Variants in KATNIP observed in about 807,000 individuals in gnomAD.
KATNIP encodes katanin-interacting protein.
KATNIP carries 126 observed loss-of-function variants against 174.0 expected under a neutral mutation model. The observed-to-expected ratio is 0.72, with a 90% confidence interval of 0.63 to 0.84. The LOEUF (loss-of-function observed/expected upper bound fraction) is 0.84, where lower values mean the gene tolerates loss of function less well. Among genes scored for constraint, KATNIP ranks in the 40% least tolerant of loss-of-function variants. The pLI, the probability that KATNIP is intolerant of heterozygous loss-of-function variation, is 0.00. For synonymous variants in KATNIP, 810 were observed against 835.7 expected (o/e 0.97, Z 0.53); for missense variants, 1,958 against 2,109.7 (o/e 0.93, Z 1.41).
At chr16:27,604,510 CACTT>C (rs768605747) in intron 2 of KATNIP, among the ~76,000 whole-genome samples, 2 of 152,204 alleles carry the variant, frequency 1.3e-5, no homozygotes, top group Admixed American at 1.3e-4. Flanking sequence ...GCTGGAATTA[CACTT>C]GTGAGTCACC....
intron 2 of KATNIP, among the ~76,000 whole-genome samples, chr16:27,591,536 C>A (rs1371128811): frequency 1.3e-5 from 2 of 152,128 alleles, no homozygotes; most frequent in African/African-American, 4.8e-5. Context: ...CTCTCTACTA[C>A]CTTGGTCAAG....
chr16:27,635,818 T>C (rs2142208547), intron 5 of KATNIP, among the ~76,000 whole-genome samples: 1 of 152,220 alleles, frequency 6.6e-6, no homozygotes, highest in East Asian at 1.9e-4. Context: ...TTAAAAGACT[T>C]TTCGAAGCTT....
At chr16:27,615,036 C>G (rs531126593) in intron 2 of KATNIP, among the ~76,000 whole-genome samples, 1 of 152,152 alleles carries the variant, frequency 6.6e-6, no homozygotes, top group East Asian at 1.9e-4. Context: ...ATTGAGGGCA[C>G]AGGGTGAAGG....
intron 8 of KATNIP, among the ~76,000 whole-genome samples, chr16:27,694,007 C>T (rs753428053): frequency 6.6e-6 from 1 of 152,188 alleles, no homozygotes. Flanking sequence ...CAGTGGCACT[C>T]GGCCCCTGGC....
chr16:27,759,524 C>T (rs1385687909), intron 18 of KATNIP, among the ~76,000 whole-genome samples: 1 of 152,214 alleles, frequency 6.6e-6, no homozygotes, highest in Admixed American at 6.5e-5. Flanking sequence ...GGCTGGGCAG[C>T]TCTGGGTGAG....
At chr16:27,608,399 C>CTTTTTTTTTTT (rs11374534) in intron 2 of KATNIP, among the ~76,000 whole-genome samples, 21 of 97,542 alleles carry the variant, frequency 2.2e-4, no homozygotes, top group South Asian at 4.1e-4. Flanking sequence ...ACTGGTGAAT[C>CTTTTTTTTTTT]TTTTTTTTTT....
At chr16:27,658,512 A>C (rs1051534717) in intron 6 of KATNIP, among the ~76,000 whole-genome samples, 8 of 152,144 alleles carry the variant, frequency 5.3e-5, no homozygotes, top group Admixed American at 4.6e-4. Context: ...ATCAAAATTA[A>C]AAGCTTTTCT....
chr16:27,699,898 A>T (rs1280566469), intron 10 of KATNIP, among the ~76,000 whole-genome samples: 1 of 151,786 alleles, frequency 6.6e-6, no homozygotes, highest in Non-Finnish European at 1.5e-5. Context: ...CTATTTATTT[A>T]TTTTTTTATT....
chr16:27,625,113 T>C (rs952815902), intron 3 of KATNIP, among the ~76,000 whole-genome samples: 5 of 152,234 alleles, frequency 3.3e-5, no homozygotes, highest in African/African-American at 1.2e-4. Context: ...CAAAGTAGGC[T>C]ATCAATTTTT....
intron 5 of KATNIP, among the ~76,000 whole-genome samples, chr16:27,647,392 A>G (rs116324095): frequency 0.012 from 1,838 of 152,174 alleles, 51 homozygotes; most frequent in African/African-American, 0.042. Flanking sequence ...CCCAGGCTGC[A>G]GTGCAGTAGT....
chr16:27,649,380 T>C (rs1043833497), intron 6 of KATNIP, among the ~76,000 whole-genome samples: 35 of 152,208 alleles, frequency 2.3e-4, no homozygotes, highest in African/African-American at 8.4e-4. Context: ...TATATCCCAG[T>C]CCTTCCTTCC....
chr16:27,574,669 A>AT (rs977883360), intron 2 of KATNIP, among the ~76,000 whole-genome samples: 2 of 145,134 alleles, frequency 1.4e-5, no homozygotes, highest in Non-Finnish European at 3.0e-5. Flanking sequence ...GGTTCAAGCA[A>AT]TTCTCCTGCC....
At chr16:27,677,705 ATC>A (rs757621674) in intron 6 of KATNIP, 22 bp from the exon 7 acceptor site, 1 of 1,585,836 alleles carries the variant, frequency 6.3e-7, no homozygotes, top group Non-Finnish European at 8.6e-7. Context: ...TTTATCTCTC[ATC>A]TCTCTTCTGG....
chr16:27,766,321 C>T lies in KATNIP; in HGVS notation c.3822C>T (p.Gly1274=). The T allele has an allele frequency of 6.2e-7, 1 of 1,614,118 alleles. No homozygotes were observed. Among genetic ancestry groups the T allele is most frequent in the Non-Finnish European group, 8.5e-7 (1 of 1,180,016 alleles). ...CCCATTGCTGCAGGTTAATTGATGGCACCAACATCACCATGGAGGATGAGC... is the reference window on the plus strand; with the variant it reads ...CCCATTGCTGCAGGTTAATTGATGGTACCAACATCACCATGGAGGATGAGC... ...DSRALDKLID[G]TNITMEDEHM... is the part of the protein sequence containing the mutation. The change falls in exon 20 of 28, where the codon GGC becomes GGT. Residue 1274 remains glycine (G), a synonymous_variant. Coordinates refer to ENST00000261588, the MANE Select transcript of KATNIP (RefSeq NM_015202.5).
intron 20 of KATNIP, among the ~76,000 whole-genome samples, chr16:27,769,479 T>C (rs1351699466): frequency 6.6e-6 from 1 of 152,156 alleles, no homozygotes; most frequent in Non-Finnish European, 1.5e-5. Context: ...GATGAGGAAA[T>C]TGAGGCATAG....
chr16:27,584,564 A>C (rs968912967), intron 2 of KATNIP, among the ~76,000 whole-genome samples: 1 of 152,056 alleles, frequency 6.6e-6, no homozygotes, highest in Non-Finnish European at 1.5e-5. Flanking sequence ...AGGCTGAGGT[A>C]GGTGGATCAC....
At chr16:27,645,033 G>A (rs1207573011) in intron 5 of KATNIP, among the ~76,000 whole-genome samples, 3 of 152,218 alleles carry the variant, frequency 2.0e-5, no homozygotes, top group African/African-American at 4.8e-5. Flanking sequence ...CTCCCCTCAA[G>A]CCAGCCCTGG....
chr16:27,712,381 C>A (rs1330358518), intron 13 of KATNIP, among the ~76,000 whole-genome samples: 1 of 152,132 alleles, frequency 6.6e-6, no homozygotes, highest in Non-Finnish European at 1.5e-5. Context: ...CGTGTGGCAG[C>A]CACAGCCTGG....
chr16:27,742,948 C>A (rs1251710608), intron 15 of KATNIP, among the ~76,000 whole-genome samples: 1 of 152,062 alleles, frequency 6.6e-6, no homozygotes, highest in Non-Finnish European at 1.5e-5. Context: ...CACCTATCAA[C>A]CCGTCACCTA....
Sources: allele counts gnomAD v4.1 joint callset (sites outside exome capture counted in the v4.1 genomes callset), GRCh38; gene constraint gnomAD v4.1.1; transcripts MANE v1.5; gene names NCBI Gene and HGNC (gene_info 2026-07-23, HGNC 2026-07-21).